The following UTRN variants were observed in gnomAD, a reference collection of about 807,000 sequenced individuals.
The protein encoded by UTRN is dystrophin-related protein 1.
Under a neutral mutation model 463.9 loss-of-function variants are expected in UTRN, and 283 were observed. That is an observed-to-expected ratio of 0.61 (90% confidence interval 0.55 to 0.67). The LOEUF is 0.67. Ranked by LOEUF, UTRN falls within the 30% of genes least tolerant of loss-of-function variation. The pLI, the probability that UTRN is intolerant of heterozygous loss-of-function variation, is 0.00. For synonymous variants in UTRN, 1,442 were observed against 1,431.5 expected (o/e 1.01, Z -0.17); for missense variants, 3,922 against 4,084.3 (o/e 0.96, Z 1.08).
At chr6:144,743,284 G>GA (rs1335422263) in intron 54 of UTRN, among the ~76,000 whole-genome samples, 5 of 151,834 alleles carry the variant, frequency 3.3e-5, no homozygotes, top group African/African-American at 4.8e-5. Context: ...TCATAATTGA[G>GA]AAAAAAACAC....
intron 50 of UTRN, among the ~76,000 whole-genome samples, chr6:144,564,781 G>C (rs1458456622): frequency 6.6e-6 from 1 of 152,096 alleles, no homozygotes; most frequent in East Asian, 1.9e-4. Flanking sequence ...TGTCCACCTG[G>C]TCTCTCCCTT....
In UTRN at chr6:144,748,240, T is replaced by C. The variant is rs759576653; in HGVS notation, c.7940-6T>C. On this transcript the variant is annotated splice_polypyrimidine_tract_variant and splice_region_variant and intron_variant, in intron 54 of 74. Coordinates refer to ENST00000367545, the MANE Select transcript of UTRN (RefSeq NM_007124.3). Reference sequence around the variant, plus strand: ...AAATTATTCTTTTTCTTTTTTTTAATCACAGAATTAACTCCTGAGGAGAGA... The same window carrying C: ...AAATTATTCTTTTTCTTTTTTTTAACCACAGAATTAACTCCTGAGGAGAGA... 4.4e-6 allele frequency: 7 copies of C among 1,589,490 alleles called. No homozygotes were observed. The highest frequency in any genetic ancestry group is 6.0e-6 in the Non-Finnish European group (7 of 1,172,872).
intron 57 of UTRN, among the ~76,000 whole-genome samples, chr6:144,755,259 G>T (rs754307242): frequency 6.6e-6 from 1 of 152,014 alleles, no homozygotes; most frequent in Non-Finnish European, 1.5e-5. Flanking sequence ...TATTAGGCTC[G>T]CTGCGATTAT....
chr6:144,354,637 G>A (rs540605676), intron 2 of UTRN, among the ~76,000 whole-genome samples: 1 of 152,236 alleles, frequency 6.6e-6, no homozygotes, highest in South Asian at 2.1e-4. Flanking sequence ...TGGATGCCGG[G>A]CCTGTCCTCA....
At chr6:144,720,629 TAC>T (rs968460311) in intron 53 of UTRN, among the ~76,000 whole-genome samples, 95 of 152,328 alleles carry the variant, frequency 6.2e-4, no homozygotes, top group African/African-American at 2.1e-3. Context: ...ATGTGGAAGG[TAC>T]ACAATCGGAC....
chr6:144,574,549 A>C (rs1354997917), intron 50 of UTRN, among the ~76,000 whole-genome samples: 1 of 152,060 alleles, frequency 6.6e-6, no homozygotes, highest in Non-Finnish European at 1.5e-5. Flanking sequence ...ACTGGCATAC[A>C]GATTTTATGT....
chr6:144,624,735 G>A (rs1395118921), intron 51 of UTRN, among the ~76,000 whole-genome samples: 1 of 152,160 alleles, frequency 6.6e-6, no homozygotes, highest in Non-Finnish European at 1.5e-5. Context: ...TGTGCAGCAG[G>A]CAGTGGTGAT....
chr6:144,588,202 G>A (rs1802663705), intron 51 of UTRN, among the ~76,000 whole-genome samples: 1 of 152,090 alleles, frequency 6.6e-6, no homozygotes, highest in Admixed American at 6.6e-5. Flanking sequence ...TGATTCCTGT[G>A]GCTTCCAAGA....
chr6:144,825,915 C>T (rs1160724138), intron 66 of UTRN, among the ~76,000 whole-genome samples: 2 of 145,874 alleles, frequency 1.4e-5, no homozygotes, highest in African/African-American at 5.1e-5. Flanking sequence ...GATATTCTGA[C>T]AAACAGTCTG....
intron 29 of UTRN, among the ~76,000 whole-genome samples, chr6:144,488,421 G>A (rs955140679): frequency 2.6e-5 from 4 of 151,958 alleles, no homozygotes; most frequent in Admixed American, 1.3e-4. Flanking sequence ...TGCATCTTAT[G>A]GGAAACCTTT....
At chr6:144,494,242 C>T (rs779058493) in intron 33 of UTRN, among the ~76,000 whole-genome samples, 9 of 151,960 alleles carry the variant, frequency 5.9e-5, no homozygotes, top group Non-Finnish European at 1.2e-4. Flanking sequence ...TTCTGATGTT[C>T]GGATGTGCTT....
intron 51 of UTRN, among the ~76,000 whole-genome samples, chr6:144,674,547 C>T (rs1562745695): frequency 6.6e-6 from 1 of 151,570 alleles, no homozygotes; most frequent in African/African-American, 2.4e-5. Context: ...CATCCGTAAC[C>T]TGTGTTGTTT....
At chr6:144,470,456 A>G (rs1245094634) in intron 23 of UTRN, among the ~76,000 whole-genome samples, 2 of 150,676 alleles carry the variant, frequency 1.3e-5, no homozygotes, top group Admixed American at 1.3e-4. Context: ...GGCGCTCCTC[A>G]CATCCCAGAT....
chr6:144,628,644 A>G (rs1284047586), intron 51 of UTRN, among the ~76,000 whole-genome samples: 1 of 152,180 alleles, frequency 6.6e-6, no homozygotes, highest in Non-Finnish European at 1.5e-5. Flanking sequence ...TTCATGGTTT[A>G]CTAACTCATA....
intron 50 of UTRN, among the ~76,000 whole-genome samples, chr6:144,570,645 A>C (rs1185809040): frequency 6.6e-6 from 1 of 152,234 alleles, no homozygotes; most frequent in African/African-American, 2.4e-5. Flanking sequence ...ACTGATGATC[A>C]GTAGATAATT....
At chr6:144,408,902 G>A (rs1260964402) in intron 3 of UTRN, among the ~76,000 whole-genome samples, 1 of 152,216 alleles carries the variant, frequency 6.6e-6, no homozygotes, top group Non-Finnish European at 1.5e-5. Flanking sequence ...GAGGCTGACA[G>A]GCTTCCTGTG....
chr6:144,851,267 T>A lies in UTRN; in HGVS notation c.*270T>A. On this transcript the variant is annotated 3_prime_UTR_variant, in exon 75 of 75. Transcript: ENST00000367545. ...ACAGAGAGGTATTTGGAAATGGTAA[T>A]ACATTTGTCACGGATTTGTATAATG... The A allele has an allele frequency of 1.9e-6, 1 of 513,066 alleles. No homozygotes were observed. Among genetic ancestry groups the A allele is most frequent in the Non-Finnish European group, 3.5e-6 (1 of 286,654 alleles). 31.8% of individuals were successfully genotyped at this position (513,066 alleles called of 1,614,324 possible).
intron 15 of UTRN, 62 bp from the exon 16 acceptor site, chr6:144,447,539 CT>C: frequency 6.4e-7 from 1 of 1,574,124 alleles, no homozygotes; most frequent in Admixed American, 1.9e-5. Flanking sequence ...AAATTTTTGG[CT>C]GGGGAACAGA....
chr6:144,299,299 G>A (rs1805026677), intron 2 of UTRN, among the ~76,000 whole-genome samples: 1 of 152,146 alleles, frequency 6.6e-6, no homozygotes, highest in African/African-American at 2.4e-5. Context: ...AAGGAAGGCA[G>A]GTTTAAAAGT....
Sources: gnomAD v4.1 joint callset for allele counts (sites outside exome capture counted in the v4.1 genomes callset) on GRCh38, gnomAD v4.1.1 for gene constraint, MANE v1.5 for transcripts, NCBI Gene and HGNC (gene_info 2026-07-23, HGNC 2026-07-21) for gene names.